Variants in LPCAT2 observed in about 807,000 individuals in gnomAD.
LPCAT2 encodes the protein lysophosphatidylcholine acyltransferase 2.
In LPCAT2, 58 loss-of-function variants were observed where a neutral mutation model predicts 64.7. That is an observed-to-expected ratio of 0.90 (90% CI 0.73 to 1.12). The LOEUF is 1.12. Among genes scored for constraint, LPCAT2 ranks in the 50% most tolerant of loss-of-function variants. The pLI, the probability that LPCAT2 is intolerant of heterozygous loss-of-function variation, is 0.00. For missense variants in LPCAT2, 579 were observed against 669.8 expected (o/e 0.86, Z 1.50); for synonymous variants, 252 against 245.3 (o/e 1.03, Z -0.26).
intron 1 of LPCAT2, among the ~76,000 whole-genome samples, chr16:55,524,353 ATAAAGT>A (rs1345827281): frequency 6.6e-6 from 1 of 151,976 alleles, no homozygotes; most frequent in Non-Finnish European, 1.5e-5. Context: ...TTAAGAACAG[ATAAAGT>A]TAAATTATGG....
chr16:55,537,518 A>G, intron 7 of LPCAT2, 60 bp from the exon 8 acceptor site: 1 of 1,302,280 alleles, frequency 7.7e-7, no homozygotes, highest in Non-Finnish European at 1.1e-6. Flanking sequence ...TGATTGTTGA[A>G]TAATATAAGA....
chr16:55,534,765 A>G (rs982334079), intron 7 of LPCAT2, among the ~76,000 whole-genome samples: 1 of 152,156 alleles, frequency 6.6e-6, no homozygotes, highest in African/African-American at 2.4e-5. Context: ...CCTAGTTTGC[A>G]TCATAGTTAG....
At chr16:55,563,607 C>T (rs1483367799) in intron 11 of LPCAT2, among the ~76,000 whole-genome samples, 1 of 151,930 alleles carries the variant, frequency 6.6e-6, no homozygotes, top group Non-Finnish European at 1.5e-5. Flanking sequence ...GGAAAAATCA[C>T]ATGATCATCT....
rs551506728 is a variant in LPCAT2, at chr16:55,512,663, A to G, written c.171+3311A>G. 5.9e-5 allele frequency among the ~76,000 whole-genome samples: 9 copies of G among 152,340 alleles called. No homozygotes were observed. The South Asian group carries it at 1.9e-3, about 32-fold the overall frequency. On this transcript the variant is annotated intron_variant, in intron 1 of 13. Coordinates refer to ENST00000262134, the MANE Select transcript of LPCAT2 (RefSeq NM_017839.5). ...TGGCCGATTCCTGAGCTGTGTATTT[A>G]CAAAGGAGCCTTCAAGGACTCTGGA...
chr16:55,536,180 A>C (rs1355919071), intron 7 of LPCAT2, among the ~76,000 whole-genome samples: 1 of 152,150 alleles, frequency 6.6e-6, no homozygotes, highest in African/African-American at 2.4e-5. Flanking sequence ...CCCTTGCTCA[A>C]AGTGCTACTC....
intron 11 of LPCAT2, chr16:55,567,741 G>T (rs1596884284): frequency 8.8e-6 from 4 of 456,744 alleles, no homozygotes; most frequent in East Asian, 7.7e-5. Flanking sequence ...ATATGGACTT[G>T]CATATATATG....
rs1341117220 is a variant in LPCAT2, at chr16:55,583,618, A to G, written c.*520A>G. On this transcript the variant is annotated 3_prime_UTR_variant, in exon 14 of 14. Transcript: ENST00000262134. ...ACTGAATATGGGAAGGGAGAGCTTC[A>G]CTAATTAGACGCAGCTTCTTAAGAA... is the stretch of plus-strand genomic sequence containing the variant. The G allele has an allele frequency of 6.5e-6, 1 of 152,808 alleles. No homozygotes were observed. The highest frequency in any genetic ancestry group is 1.5e-5 in the Non-Finnish European group (1 of 68,498). The allele number at this position is 152,808 out of a possible 1,614,324, so 9.5% of individuals were successfully genotyped here. A position where few individuals can be genotyped will look rare whatever the true frequency, so the allele number is the denominator to read the frequency against.
At chr16:55,509,989 G>GTTTTTT (rs1196878080) in intron 1 of LPCAT2, among the ~76,000 whole-genome samples, 1 of 65,204 alleles carries the variant, frequency 1.5e-5, no homozygotes, top group African/African-American at 4.3e-5. Flanking sequence ...ATTTGAAGAA[G>GTTTTTT]TCTTTTTTTT....
At position 55,584,905 on chromosome 16, in the gene LPCAT2, C is replaced by T. The variant is rs1018404385; in HGVS notation, c.*1807C>T. ...AAACAATTAAGTAATTAGAACAGTA[C>T]ATTTTTATCAGAGTGTCTGTCATAT... On this transcript the variant is annotated 3_prime_UTR_variant, in exon 14 of 14. Coordinates refer to ENST00000262134, the MANE Select transcript of LPCAT2 (RefSeq NM_017839.5). 2.4e-5 allele frequency: 3 copies of T among 123,142 alleles called. No homozygotes were observed. Among genetic ancestry groups the T allele is most frequent in the African/African-American group, 9.0e-5 (3 of 33,344 alleles). The allele number at this position is 123,142 out of a possible 1,614,324, so 7.6% of individuals were successfully genotyped here.
At chr16:55,553,494 A>C (rs1283957574) in intron 11 of LPCAT2, among the ~76,000 whole-genome samples, 3 of 152,204 alleles carry the variant, frequency 2.0e-5, no homozygotes, top group Non-Finnish European at 4.4e-5. Flanking sequence ...TTTTATCATG[A>C]GATTGCAGCA....
intron 1 of LPCAT2, among the ~76,000 whole-genome samples, chr16:55,514,795 G>T (rs973821153): frequency 6.6e-6 from 1 of 151,672 alleles, no homozygotes; most frequent in African/African-American, 2.4e-5. Flanking sequence ...TTTAAAATAT[G>T]GTCCAATAAC....
At chr16:55,536,276 G>T (rs950595363) in intron 7 of LPCAT2, among the ~76,000 whole-genome samples, 1 of 152,170 alleles carries the variant, frequency 6.6e-6, no homozygotes, top group African/African-American at 2.4e-5. Flanking sequence ...GAGAAGTTTT[G>T]TATCAGACTA....
At chr16:55,533,639 C>T (rs1392496438) in intron 6 of LPCAT2, among the ~76,000 whole-genome samples, 7 of 152,004 alleles carry the variant, frequency 4.6e-5, no homozygotes, top group Non-Finnish European at 8.8e-5. Flanking sequence ...TCTTGAACTC[C>T]TGACCTCAAG....
chr16:55,519,495 C>T (rs1399727800), intron 1 of LPCAT2, among the ~76,000 whole-genome samples: 6 of 136,016 alleles, frequency 4.4e-5, no homozygotes, highest in East Asian at 2.1e-4. Flanking sequence ...GGAGACAGAG[C>T]GAGACTCCAT....
At chr16:55,567,195 C>T (rs780864978) in intron 11 of LPCAT2, 3 of 1,613,744 alleles carry the variant, frequency 1.9e-6, no homozygotes, top group Non-Finnish European at 1.7e-6. Flanking sequence ...ATTTAAGTAT[C>T]TGTGGAACAA....
In LPCAT2 at chr16:55,509,991, C is replaced by CTTTTTTTTTTTTTTTTT. The variant is rs57496150; in HGVS notation, c.171+640_171+656dup. On this transcript the variant is annotated intron_variant, in intron 1 of 13. Transcript: ENST00000262134. ...TACGGGAGAGTAGATTTGAAGAAGT[C>CTTTTTTTTTTTTTTTTT]TTTTTTTTTTTTTTTTTGCCTTAGG... 1.5e-3 allele frequency among the ~76,000 whole-genome samples: 154 copies of CTTTTTTTTTTTTTTTTT among 102,528 alleles called. 10 individuals are homozygous for CTTTTTTTTTTTTTTTTT. The highest frequency in any genetic ancestry group is 2.1e-3 in the Non-Finnish European group (108 of 52,380). 67.3% of individuals were successfully genotyped at this position (102,528 alleles called of 152,430 possible).
At position 55,563,552 on chromosome 16, in the gene LPCAT2, T is replaced by C. The variant is rs74976342; in HGVS notation, c.1216-11079T>C. Among the ~76,000 whole-genome samples the C allele has an allele frequency of 2.6e-3, 394 of 152,028 alleles. 1 individual carries two copies. Among genetic ancestry groups the C allele is most frequent in the African/African-American group, 9.0e-3 (375 of 41,514 alleles). The stretch of plus-strand genomic sequence containing the variant: ...TCCTGGAATGCAAGATGGTTCAATA[T>C]ATGAAAATCAATTAATGTAACACAG... On this transcript the variant is annotated intron_variant, in intron 11 of 13. Transcript: ENST00000262134.
intron 6 of LPCAT2, 23 bp from the exon 7 acceptor site, chr16:55,534,420 C>A: frequency 6.8e-7 from 1 of 1,481,122 alleles, no homozygotes; most frequent in South Asian, 1.2e-5. Context: ...AGACCAACAG[C>A]TAAAATAATT....
chr16:55,532,004 A>C, intron 5 of LPCAT2, 30 bp downstream of exon 5: 2 of 1,298,120 alleles, frequency 1.5e-6, no homozygotes, highest in Non-Finnish European at 2.2e-6. Flanking sequence ...GTATTCTAAC[A>C]AAGTAATATG....
Sources: gnomAD v4.1 joint callset for allele counts (sites outside exome capture counted in the v4.1 genomes callset) on GRCh38, gnomAD v4.1.1 for gene constraint, MANE v1.5 for transcripts, NCBI Gene and HGNC (gene_info 2026-07-23, HGNC 2026-07-21) for gene names.